Variants in PCDHA12 observed in about 807,000 individuals in gnomAD.
PCDHA12 encodes the protein protocadherin alpha-12.
A neutral mutation model predicts 60.0 loss-of-function variants in PCDHA12; 44 were observed. The observed-to-expected ratio is 0.73, with a 90% confidence interval of 0.58 to 0.94. The LOEUF (loss-of-function observed/expected upper bound fraction) is 0.94. Ranked by LOEUF, PCDHA12 falls within the 40% of genes least tolerant of loss-of-function variation. The pLI is 0.00. For synonymous variants in PCDHA12, 569 were observed against 553.0 expected (o/e 1.03, Z -0.40); for missense variants, 1,276 against 1,239.7 (o/e 1.03, Z -0.44).
rs1306170767 is a variant in PCDHA12 at position 140,875,949 on chromosome 5, T to C, written c.477T>C (p.Asp159=). 1.2e-6 allele frequency: 2 copies of C among 1,614,096 alleles called. No individual in the cohort carries two copies. Among genetic ancestry groups the C allele is most frequent in the African/African-American group, 2.7e-5 (2 of 74,938 alleles). The change falls in exon 1 of 4, where the codon GAT becomes GAC. Residue 159 remains aspartate, a synonymous_variant. Transcript: ENST00000398631. ...ATTTTCCTCTAGAGGGCGCTTCTGATGCGGATATCGGCGTAAACTCTCTTT... is the reference window on the plus strand; with the variant it reads ...ATTTTCCTCTAGAGGGCGCTTCTGACGCGGATATCGGCGTAAACTCTCTTT... ...DSHFPLEGAS[D]ADIGVNSLLT... is the part of the protein sequence containing the mutation.
intron 1 of PCDHA12, among the ~76,000 whole-genome samples, chr5:140,921,791 A>G (rs1170709759): frequency 3.9e-5 from 6 of 152,160 alleles, no homozygotes; most frequent in Non-Finnish European, 5.9e-5. Context: ...GATGTTCTAG[A>G]TAACACAAGA....
rs782167817 is a variant in PCDHA12 at position 140,875,512 on chromosome 5, C to G, written c.40C>G (p.Leu14Val). Reference sequence around the variant, plus strand: ...ACCAAGAGGCCCGGGATCCCAGCGTCTGCTGCTCTCGCTTCTGCTCCTTGC... The same window carrying G: ...ACCAAGAGGCCCGGGATCCCAGCGTGTGCTGCTCTCGCTTCTGCTCCTTGC... ...IGPRGPGSQR[L>V]LLSLLLLAAW... The change falls in exon 1 of 4, where the codon CTG (leucine) becomes GTG (valine). Residue 14 changes from leucine to valine, a missense_variant. Coordinates refer to ENST00000398631, the MANE Select transcript of PCDHA12 (RefSeq NM_018903.4). 3 of 1,613,928 alleles carry G rather than the reference C, an allele frequency of 1.9e-6. No individual in the cohort carries two copies. The East Asian group carries it at 6.7e-5, about 36-fold the overall frequency.
chr5:140,976,933 A>G (rs1554238099), intron 1 of PCDHA12, among the ~76,000 whole-genome samples: 1 of 152,198 alleles, frequency 6.6e-6, no homozygotes, highest in African/African-American at 2.4e-5. Context: ...CTGTGTAGCT[A>G]CTTAAAACAT....
chr5:140,937,151 C>T (rs1170352289), intron 1 of PCDHA12, among the ~76,000 whole-genome samples: 1 of 151,572 alleles, frequency 6.6e-6, no homozygotes, highest in African/African-American at 2.4e-5. Context: ...CATTCTCCTG[C>T]CTCAGCCTCC....
chr5:140,959,424 G>A (rs957625236), intron 1 of PCDHA12, among the ~76,000 whole-genome samples: 1 of 152,104 alleles, frequency 6.6e-6, no homozygotes, highest in Non-Finnish European at 1.5e-5. Context: ...CTGAGAATTT[G>A]TGTATTTTTT....
rs569728778 is a variant in PCDHA12 at position 140,900,297 on chromosome 5, T to G, written c.2367+22458T>G. 1.4e-4 allele frequency among the ~76,000 whole-genome samples: 22 copies of G among 151,920 alleles called. No individual in the cohort carries two copies. In the East Asian group the frequency reaches 4.1e-3, roughly 28 times the overall value. On this transcript the variant is annotated intron_variant, in intron 1 of 3. Transcript: ENST00000398631. Reference sequence around the variant, plus strand: ...TACCACACTTTCTTTTCTGTTTTTTTAGACAGTCTCACTTTTGTCGCCCAG... The same window carrying G: ...TACCACACTTTCTTTTCTGTTTTTTGAGACAGTCTCACTTTTGTCGCCCAG...
chr5:140,937,911 C>CAA lies in PCDHA12; in HGVS notation c.2368-41023_2368-41022dup, dbSNP rs200797202. On this transcript the variant is annotated intron_variant, in intron 1 of 3. Transcript: ENST00000398631. Reference sequence around the variant, plus strand: ...TGGGCGACAGAGTGAGACTCCGTCTCAAAAAAAAAAAAAAAAGTTTAATTT... The same window carrying CAA: ...TGGGCGACAGAGTGAGACTCCGTCTCAAAAAAAAAAAAAAAAAAGTTTAATTT... Among the ~76,000 whole-genome samples, 8 of 117,946 alleles carry CAA rather than the reference C, an allele frequency of 6.8e-5. No individual in the cohort carries two copies. In the East Asian group the frequency reaches 1.1e-3, roughly 17 times the overall value. The allele number at this position is 117,946 out of a possible 152,430, so 77.4% of individuals were successfully genotyped here.
At chr5:141,002,702 G>A (rs2153975030) in intron 3 of PCDHA12, among the ~76,000 whole-genome samples, 1 of 152,294 alleles carries the variant, frequency 6.6e-6, no homozygotes, top group South Asian at 2.1e-4. Context: ...GTTTAACTCT[G>A]TTGCACACAC....
At chr5:140,949,171 C>T (rs1554218845) in intron 1 of PCDHA12, among the ~76,000 whole-genome samples, 1 of 151,632 alleles carries the variant, frequency 6.6e-6, no homozygotes, top group Non-Finnish European at 1.5e-5. Flanking sequence ...CTCTTTTGGT[C>T]AGAGAACATA....
At chr5:140,900,695 C>T (rs889860103) in intron 1 of PCDHA12, among the ~76,000 whole-genome samples, 4 of 152,170 alleles carry the variant, frequency 2.6e-5, no homozygotes, top group Non-Finnish European at 5.9e-5. Context: ...TACTGATTTC[C>T]GTTCTTTTGG....
chr5:140,958,422 C>A (rs1436234763), intron 1 of PCDHA12, among the ~76,000 whole-genome samples: 1 of 152,120 alleles, frequency 6.6e-6, no homozygotes, highest in African/African-American at 2.4e-5. Context: ...TGGAAAGAAG[C>A]ACTTTTTATA....
At chr5:140,959,570 T>C (rs1324858058) in intron 1 of PCDHA12, among the ~76,000 whole-genome samples, 1 of 152,184 alleles carries the variant, frequency 6.6e-6, no homozygotes. Context: ...ACTAGATTTT[T>C]TGTTTCAATT....
intron 1 of PCDHA12, among the ~76,000 whole-genome samples, chr5:140,953,733 TG>T (rs1449457533): frequency 2.6e-5 from 4 of 152,200 alleles, no homozygotes; most frequent in Admixed American, 6.5e-5. Context: ...TTGAAATTTT[TG>T]CTTAACATTA....
At position 140,875,846 on chromosome 5, in the gene PCDHA12, A is replaced by T; in HGVS notation, c.374A>T (p.Asp125Val). 1 of 1,614,176 alleles carries T rather than the reference A, an allele frequency of 6.2e-7. No homozygotes were observed. The stretch of plus-strand genomic sequence containing the variant: ...TTCCATGTGGACGTGGAGGTGAAGG[A>T]CATTAACGACAACCCGCCGGTGTTC... The part of the protein sequence containing the change: ...QVFHVDVEVK[D>V]INDNPPVFRE... The change falls in exon 1 of 4, where the codon GAC (aspartate) becomes GTC (valine). Residue 125 changes from aspartate to valine, a missense_variant. Physicochemically the swap from Asp to Val is radical, Grantham distance 152. Coordinates refer to ENST00000398631, the MANE Select transcript of PCDHA12 (RefSeq NM_018903.4).
rs1207415477 is a variant in PCDHA12 at position 140,980,276 on chromosome 5, T to C, written c.2426+1269T>C. 1.3e-5 allele frequency among the ~76,000 whole-genome samples: 2 copies of C among 152,224 alleles called. 1 individual carries two copies. The highest frequency in any genetic ancestry group is 2.9e-5 in the Non-Finnish European group (2 of 68,040). On this transcript the variant is annotated intron_variant, in intron 2 of 3. Transcript: ENST00000398631. ...AAAGCATGGTTTACAGTACCAACTC[T>C]TGAAAAGTACCAAAGCTATGAGTTG... is the stretch of plus-strand genomic sequence containing the variant.
At chr5:140,956,740 C>T in intron 1 of PCDHA12, among the ~76,000 whole-genome samples, 1 of 152,122 alleles carries the variant, frequency 6.6e-6, no homozygotes, top group East Asian at 1.9e-4. Context: ...CCTCTTTGTA[C>T]CTCTGATAGA....
At chr5:140,986,899 C>G (rs2097217128) in intron 3 of PCDHA12, among the ~76,000 whole-genome samples, 1 of 152,072 alleles carries the variant, frequency 6.6e-6, no homozygotes, top group African/African-American at 2.4e-5. Flanking sequence ...AGGCCCTATC[C>G]TAGACTAATG....
chr5:140,982,482 C>T lies in PCDHA12; in HGVS notation c.2434C>T (p.His812Tyr), dbSNP rs782273708. 1.9e-6 allele frequency: 3 copies of T among 1,614,054 alleles called. No individual in the cohort carries two copies. Among genetic ancestry groups the T allele is most frequent in the East Asian group, 4.5e-5 (2 of 44,894 alleles). The change falls in exon 3 of 4, where the codon CAC (histidine) becomes TAC (tyrosine). Residue 812 changes from histidine to tyrosine, a missense_variant. Physicochemically the swap from His to Tyr is moderately conservative, Grantham distance 83. Transcript: ENST00000398631. ...SLRAGMHSSV[H>Y]LEEAGILRAG... ...GTCTGTGTGTTTATTCAGCTCTGTGCACCTAGAGGAGGCTGGCATTCTACG... is the reference window on the plus strand; with the variant it reads ...GTCTGTGTGTTTATTCAGCTCTGTGTACCTAGAGGAGGCTGGCATTCTACG...
At chr5:140,900,139 G>A (rs985320509) in intron 1 of PCDHA12, among the ~76,000 whole-genome samples, 2 of 152,156 alleles carry the variant, frequency 1.3e-5, no homozygotes, top group East Asian at 3.9e-4. Context: ...CCACAAATAA[G>A]TAAGAACATA....
Sources: allele counts gnomAD v4.1 joint callset (sites outside exome capture counted in the v4.1 genomes callset), GRCh38; gene constraint gnomAD v4.1.1; transcripts MANE v1.5; gene names NCBI Gene and HGNC (gene_info 2026-07-23, HGNC 2026-07-21).